Variants in STAM2 observed in about 807,000 individuals in gnomAD.
STAM2 encodes signal transducing adaptor molecule 2.
Under a neutral mutation model 65.6 loss-of-function variants are expected in STAM2, and 51 were observed. That is an observed-to-expected ratio of 0.78 (90% confidence interval 0.62 to 0.98). STAM2 has a LOEUF of 0.98. Ranked by LOEUF, STAM2 falls within the 50% of genes least tolerant of loss-of-function variation. STAM2 has a pLI of 0.00. For synonymous variants in STAM2, 198 were observed against 208.4 expected (o/e 0.95, Z 0.43); for missense variants, 584 against 617.8 (o/e 0.95, Z 0.58).
intron 1 of STAM2, among the ~76,000 whole-genome samples, chr2:152,162,969 A>G (rs1689712639): frequency 6.6e-6 from 1 of 152,200 alleles, no homozygotes; most frequent in Non-Finnish European, 1.5e-5. Flanking sequence ...CCAGAAAATT[A>G]TTAAATAACT....
chr2:152,153,118 T>C (rs1369750043), intron 1 of STAM2, among the ~76,000 whole-genome samples: 4 of 152,124 alleles, frequency 2.6e-5, no homozygotes, highest in Non-Finnish European at 5.9e-5. Flanking sequence ...TTACAGAGCA[T>C]TTTTACTTTA....
chr2:152,146,989 T>C (rs527985635), intron 5 of STAM2, among the ~76,000 whole-genome samples, 173 bp downstream of exon 5: 1 of 152,274 alleles, frequency 6.6e-6, no homozygotes, highest in African/African-American at 2.4e-5. Flanking sequence ...GTGGAAGAAA[T>C]ACACATAAAA....
intron 10 of STAM2, 54 bp from the exon 11 acceptor site, chr2:152,132,222 T>C: frequency 1.5e-6 from 2 of 1,374,194 alleles, no homozygotes; most frequent in South Asian, 1.2e-5. Context: ...TTTAAGCCAA[T>C]TTCAACAATT....
At chr2:152,127,910 T>C (rs1475091534) in intron 11 of STAM2, among the ~76,000 whole-genome samples, 1 of 152,146 alleles carries the variant, frequency 6.6e-6, no homozygotes, top group African/African-American at 2.4e-5. Context: ...TTTTACTGAA[T>C]GTGGTTCTTT....
At chr2:152,162,910 T>G (rs1273727498) in intron 1 of STAM2, among the ~76,000 whole-genome samples, 1 of 152,084 alleles carries the variant, frequency 6.6e-6, no homozygotes, top group East Asian at 1.9e-4. Flanking sequence ...TCTGCCCGCC[T>G]CAGCCTCCCA....
chr2:152,127,948 A>T (rs1688989449), intron 11 of STAM2, among the ~76,000 whole-genome samples: 2 of 152,198 alleles, frequency 1.3e-5, no homozygotes, highest in Admixed American at 1.3e-4. Context: ...GGCAACAAGC[A>T]GAGGCACACA....
chr2:152,161,350 A>C (rs1001169330), intron 1 of STAM2, among the ~76,000 whole-genome samples: 3 of 151,292 alleles, frequency 2.0e-5, no homozygotes, highest in African/African-American at 7.3e-5. Context: ...ACCCAGGGAC[A>C]CAAACACTGC....
intron 1 of STAM2, among the ~76,000 whole-genome samples, chr2:152,175,036 T>A (rs1689987551): frequency 6.6e-6 from 1 of 152,194 alleles, no homozygotes; most frequent in African/African-American, 2.4e-5. Flanking sequence ...GCGCAATCTT[T>A]GCAATCCGGG....
chr2:152,129,028 TG>T (rs1312090605), intron 11 of STAM2, among the ~76,000 whole-genome samples: 1 of 152,258 alleles, frequency 6.6e-6, no homozygotes, highest in African/African-American at 2.4e-5. Context: ...TCTGCAGCTG[TG>T]GCCATAGAAC....
intron 11 of STAM2, among the ~76,000 whole-genome samples, chr2:152,130,723 G>A (rs1307041868): frequency 1.3e-5 from 2 of 151,728 alleles, no homozygotes; most frequent in African/African-American, 4.8e-5. Flanking sequence ...ATAAGGCTGG[G>A]TGCAGTGGCT....
At chr2:152,134,484 G>C (rs1016058043) in intron 8 of STAM2, among the ~76,000 whole-genome samples, 1 of 152,094 alleles carries the variant, frequency 6.6e-6, no homozygotes, top group Non-Finnish European at 1.5e-5. Flanking sequence ...AACCTCTCAC[G>C]ACTTCATTTT....
chr2:152,132,401 C>T (rs1447277961), intron 10 of STAM2, among the ~76,000 whole-genome samples: 1 of 152,192 alleles, frequency 6.6e-6, no homozygotes, highest in African/African-American at 2.4e-5. Context: ...AAACTATTAA[C>T]TAAGTTGACA....
rs1296312265 is a variant in STAM2 at position 152,119,330 on chromosome 2, G to A, written c.*1244C>T. The A allele has an allele frequency of 1.3e-5, 2 of 152,118 alleles. No individual in the cohort carries two copies. Among genetic ancestry groups the A allele is most frequent in the African/African-American group, 4.8e-5 (2 of 41,426 alleles). The allele number at this position is 152,118 out of a possible 1,614,324, so 9.4% of individuals were successfully genotyped here. On this transcript the variant is annotated 3_prime_UTR_variant, in exon 14 of 14. Coordinates refer to ENST00000263904, the MANE Select transcript of STAM2 (RefSeq NM_005843.6). ...TTAGCACTATAAACTAACTCAAAAT[G>A]CAGGCTTCAGAAAAACTGCTTCAAT...
At chr2:152,135,703 G>A (rs367988815) in intron 7 of STAM2, 100 bp from the exon 8 acceptor site, 51 of 734,568 alleles carry the variant, frequency 6.9e-5, no homozygotes, top group East Asian at 2.7e-4. Flanking sequence ...GAATATATCC[G>A]TTTACAAGCA....
chr2:152,164,226 T>C (rs186182570), intron 1 of STAM2, among the ~76,000 whole-genome samples: 2 of 152,296 alleles, frequency 1.3e-5, no homozygotes, highest in South Asian at 2.1e-4. Flanking sequence ...AGAACCTATG[T>C]TGAAATATTG....
chr2:152,144,409 A>G (rs1174471606), intron 6 of STAM2, among the ~76,000 whole-genome samples: 1 of 152,164 alleles, frequency 6.6e-6, no homozygotes, highest in Non-Finnish European at 1.5e-5. Flanking sequence ...AAGATAATGA[A>G]TTAAATTCAT....
intron 1 of STAM2, among the ~76,000 whole-genome samples, chr2:152,166,157 G>A (rs1017534006): frequency 6.6e-6 from 1 of 151,046 alleles, no homozygotes; most frequent in Non-Finnish European, 1.5e-5. Flanking sequence ...CTGGGGGGCA[G>A]AGCAAGGCTC....
chr2:152,123,876 A>G lies in STAM2; in HGVS notation c.1239T>C (p.Thr413=), dbSNP rs373591706. 1.1e-5 allele frequency: 18 copies of G among 1,614,138 alleles called. No individual in the cohort carries two copies. The African/African-American group carries it at 2.4e-4, about 22-fold the overall frequency. The part of the protein sequence containing the change: ...NYMGQSIHQV[T]VAQSYSLGPD... Reference sequence around the variant, plus strand: ...GTCCTAGGCTATAGCTTTGGGCAACAGTTACTTGGTGAATGCTCTGACCCA... The same window carrying G: ...GTCCTAGGCTATAGCTTTGGGCAACGGTTACTTGGTGAATGCTCTGACCCA... Residue 413 remains threonine, a synonymous_variant, in exon 13 of 14, where the codon ACT becomes ACC. Coordinates refer to ENST00000263904, the MANE Select transcript of STAM2 (RefSeq NM_005843.6).
At chr2:152,130,296 G>C (rs1459278144) in intron 11 of STAM2, among the ~76,000 whole-genome samples, 2 of 151,902 alleles carry the variant, frequency 1.3e-5, no homozygotes, top group African/African-American at 2.4e-5. Flanking sequence ...CTTTTGCCCA[G>C]GCTGGAGTGC....
Sources: gnomAD v4.1 joint callset for allele counts (sites outside exome capture counted in the v4.1 genomes callset) on GRCh38, gnomAD v4.1.1 for gene constraint, MANE v1.5 for transcripts, NCBI Gene and HGNC (gene_info 2026-07-23, HGNC 2026-07-21) for gene names.